Variants in PRKN observed in about 807,000 individuals in gnomAD.
PRKN encodes the protein parkin RBR E3 ubiquitin protein ligase, also known as E3 ubiquitin-protein ligase parkin.
A neutral mutation model predicts 59.5 loss-of-function variants in PRKN; 56 were observed. That is an observed-to-expected ratio of 0.94 (90% CI 0.76 to 1.18). The LOEUF (loss-of-function observed/expected upper bound fraction) is 1.18, where lower values mean the gene tolerates loss of function less well. PRKN is among the 50% of genes most tolerant of loss of function. The pLI, the probability that PRKN is intolerant of heterozygous loss-of-function variation, is 0.00. For missense variants in PRKN, 657 were observed against 596.4 expected (o/e 1.10, Z -1.06); for synonymous variants, 250 against 222.1 (o/e 1.13, Z -1.12).
At chr6:161,384,022 T>C (rs190725227) in intron 10 of PRKN, among the ~76,000 whole-genome samples, 2 of 152,252 alleles carry the variant, frequency 1.3e-5, no homozygotes, top group Admixed American at 6.5e-5. Context: ...CCTCATCTCC[T>C]GGGGGGGTCT....
intron 1 of PRKN, among the ~76,000 whole-genome samples, chr6:162,450,500 C>T (rs1790573128): frequency 1.3e-5 from 2 of 151,744 alleles, no homozygotes; most frequent in Admixed American, 1.3e-4. Context: ...CTGACAGGCG[C>T]TACCGCAGCC....
At chr6:162,528,421 T>C (rs1286930403) in intron 1 of PRKN, among the ~76,000 whole-genome samples, 2 of 151,888 alleles carry the variant, frequency 1.3e-5, no homozygotes, top group African/African-American at 2.4e-5. Context: ...AAGAAATAAA[T>C]ATAAATAATA....
chr6:162,276,194 T>A (rs1289453582), intron 2 of PRKN, among the ~76,000 whole-genome samples: 1 of 152,072 alleles, frequency 6.6e-6, no homozygotes, highest in African/African-American at 2.4e-5. Context: ...GAGTAGAGGG[T>A]TTTAAATAAT....
intron 4 of PRKN, among the ~76,000 whole-genome samples, chr6:162,117,887 A>G (rs1780741434): frequency 6.6e-6 from 1 of 152,020 alleles, no homozygotes; most frequent in African/African-American, 2.4e-5. Flanking sequence ...GCCTGAGGTC[A>G]GGAGTTCAGG....
At chr6:161,959,182 A>T (rs756381574) in intron 6 of PRKN, among the ~76,000 whole-genome samples, 32 of 152,258 alleles carry the variant, frequency 2.1e-4, no homozygotes, top group Non-Finnish European at 4.4e-4. Flanking sequence ...GAAGATACAG[A>T]GAGAAGTACC....
chr6:161,752,311 T>C (rs1486427276), intron 7 of PRKN, among the ~76,000 whole-genome samples: 3 of 152,160 alleles, frequency 2.0e-5, no homozygotes, highest in Admixed American at 1.3e-4. Flanking sequence ...GAGGCTGCAG[T>C]GAGCCGAGAT....
rs143810946 is a variant in PRKN, at chr6:161,348,734, T to C, written c.*1365A>G. ...GGCCTCCATGTGCTAGTGAGACTCATGCCCTCAGTTATGTTCACGATCTTC... is the reference window on the plus strand; with the variant it reads ...GGCCTCCATGTGCTAGTGAGACTCACGCCCTCAGTTATGTTCACGATCTTC... On this transcript the variant is annotated 3_prime_UTR_variant, in exon 12 of 12. Coordinates refer to ENST00000366898, the MANE Select transcript of PRKN (RefSeq NM_004562.3). This position sits in a 1 kb window ranked among gnomAD's most constrained non-coding sequence, Gnocchi z 4.9. 38 of 209,964 alleles carry C rather than the reference T, an allele frequency of 1.8e-4. No homozygotes were observed. Among genetic ancestry groups the C allele is most frequent in the African/African-American group, 8.4e-4 (37 of 44,142 alleles). The allele number at this position is 209,964 out of a possible 1,614,324, so 13.0% of individuals were successfully genotyped here. A position where few individuals can be genotyped will look rare whatever the true frequency, so the allele number is the denominator to read the frequency against.
At chr6:161,939,454 G>A (rs531306976) in intron 6 of PRKN, among the ~76,000 whole-genome samples, 14 of 144,802 alleles carry the variant, frequency 9.7e-5, no homozygotes, top group Non-Finnish European at 1.5e-4. Context: ...TACCGTCGTC[G>A]GGCATGGTGG....
chr6:161,508,624 C>T (rs866896363), intron 9 of PRKN, among the ~76,000 whole-genome samples: 1 of 152,188 alleles, frequency 6.6e-6, no homozygotes, highest in African/African-American at 2.4e-5. Context: ...CCGCCCTGAG[C>T]TCCCTTTTCC....
At chr6:162,308,977 A>G (rs1290806709) in intron 2 of PRKN, among the ~76,000 whole-genome samples, 3 of 152,106 alleles carry the variant, frequency 2.0e-5, no homozygotes, top group Non-Finnish European at 4.4e-5. Context: ...AAATAAACAT[A>G]AAAAAATGGA....
At chr6:162,279,359 A>AAGAG (rs904416679) in intron 2 of PRKN, among the ~76,000 whole-genome samples, 1 of 150,962 alleles carries the variant, frequency 6.6e-6, no homozygotes, top group Non-Finnish European at 1.5e-5. Flanking sequence ...GAAAGAAAGA[A>AAGAG]AGAGAGAGAG....
intron 2 of PRKN, among the ~76,000 whole-genome samples, chr6:162,302,847 T>G (rs149225560): frequency 6.6e-6 from 1 of 152,132 alleles, no homozygotes; most frequent in African/African-American, 2.4e-5. Context: ...CACCTCCCAC[T>G]GCCACATTTA....
At chr6:161,506,448 G>C (rs2115318540) in intron 9 of PRKN, among the ~76,000 whole-genome samples, 1 of 152,314 alleles carries the variant, frequency 6.6e-6, no homozygotes, top group South Asian at 2.1e-4. Flanking sequence ...GGGTTTTCTA[G>C]ATATACAATC....
At chr6:162,594,259 G>A (rs1324732200) in intron 1 of PRKN, among the ~76,000 whole-genome samples, 3 of 152,028 alleles carry the variant, frequency 2.0e-5, no homozygotes, top group Admixed American at 6.6e-5. Context: ...CATACTTTAA[G>A]TACAATTAAC....
At chr6:162,474,082 C>T (rs571374326) in intron 1 of PRKN, among the ~76,000 whole-genome samples, 9 of 152,254 alleles carry the variant, frequency 5.9e-5, no homozygotes, top group African/African-American at 1.9e-4. Context: ...GTAACAGAAA[C>T]GCCCTTTGCC....
At chr6:161,781,387 T>TCATC (rs1790198998) in intron 7 of PRKN, among the ~76,000 whole-genome samples, 1 of 152,162 alleles carries the variant, frequency 6.6e-6, no homozygotes, top group African/African-American at 2.4e-5. Flanking sequence ...TTCCATCCAT[T>TCATC]CATCCCTGCC....
chr6:162,023,761 A>G (rs924315815), intron 5 of PRKN, among the ~76,000 whole-genome samples: 3 of 152,086 alleles, frequency 2.0e-5, no homozygotes, highest in Non-Finnish European at 4.4e-5. Flanking sequence ...ACCTAGGTCC[A>G]TGGGGGTGGA....
At chr6:162,236,372 G>GCCT (rs978588505) in intron 3 of PRKN, among the ~76,000 whole-genome samples, 2 of 152,154 alleles carry the variant, frequency 1.3e-5, no homozygotes, top group African/African-American at 4.8e-5. Context: ...CCAGCAGAGA[G>GCCT]CCTCTCCTGA....
intron 7 of PRKN, among the ~76,000 whole-genome samples, chr6:161,753,226 T>C (rs1284872060): frequency 6.6e-6 from 1 of 151,254 alleles, no homozygotes; most frequent in Non-Finnish European, 1.5e-5. Context: ...TGTCTGGGAG[T>C]GAGAAGTCTG....
Sources: gnomAD v4.1 joint callset for allele counts (sites outside exome capture counted in the v4.1 genomes callset) on GRCh38, gnomAD v4.1.1 for gene constraint, Gnocchi (gnomAD v3.1) non-coding constraint, MANE v1.5 for transcripts, NCBI Gene and HGNC (gene_info 2026-07-23, HGNC 2026-07-21) for gene names.